Variants in CACNB2 observed in about 807,000 individuals in gnomAD.
CACNB2 encodes the protein voltage-dependent L-type calcium channel subunit beta-2.
In CACNB2, 42 loss-of-function variants were observed where a neutral mutation model predicts 73.3. The observed-to-expected ratio is 0.57, with a 90% CI of 0.45 to 0.74. The LOEUF is 0.74. Among genes scored for constraint, CACNB2 ranks in the 30% least tolerant of loss-of-function variants. The probability of loss-of-function intolerance (pLI) is 0.00; values close to 1 mark genes in which losing one functional copy is unlikely to be tolerated. For synonymous variants in CACNB2, 348 were observed against 310.3 expected (o/e 1.12, Z -1.28); for missense variants, 940 against 853.0 (o/e 1.10, Z -1.27).
chr10:18,205,947 C>T (rs10828308), intron 2 of CACNB2, among the ~76,000 whole-genome samples: 2,242 of 152,184 alleles, frequency 0.015, 74 homozygotes, highest in East Asian at 0.14. Flanking sequence ...AGAGAATCTA[C>T]GGTTTTCAGT....
rs115667139 is a variant in CACNB2 at position 18,158,175 on chromosome 10, C to T, written c.213+7200C>T. Among the ~76,000 whole-genome samples, 477 of 152,144 alleles carry T rather than the reference C, an allele frequency of 3.1e-3. 2 individuals carry two copies. The highest frequency in any genetic ancestry group is 0.011 in the African/African-American group (444 of 41,490). Reference sequence around the variant, plus strand: ...ATGAATCACCTGTTTTGAGGTTTGGCGGAGGCTGATGTGGGCCCATGAATC... The same window carrying T: ...ATGAATCACCTGTTTTGAGGTTTGGTGGAGGCTGATGTGGGCCCATGAATC... On this transcript the variant is annotated intron_variant, in intron 2 of 13. Coordinates refer to ENST00000324631, the MANE Select transcript of CACNB2 (RefSeq NM_201596.3).
At chr10:18,344,027 T>A (rs2041342885) in intron 2 of CACNB2, among the ~76,000 whole-genome samples, 1 of 151,804 alleles carries the variant, frequency 6.6e-6, no homozygotes, top group Admixed American at 6.6e-5. Flanking sequence ...GTCGATTATT[T>A]TTTCTTCCTC....
chr10:18,275,224 CAGCTATAGACT>C (rs1456925230), intron 2 of CACNB2, among the ~76,000 whole-genome samples: 3 of 152,176 alleles, frequency 2.0e-5, no homozygotes, highest in African/African-American at 7.2e-5. Context: ...ATTTGATTTC[CAGCTATAGACT>C]TTCGTTTTCT....
intron 2 of CACNB2, among the ~76,000 whole-genome samples, chr10:18,327,951 T>G (rs1357499724): frequency 6.6e-6 from 1 of 152,118 alleles, no homozygotes; most frequent in Non-Finnish European, 1.5e-5. Context: ...GAGTGGAAGT[T>G]GAAGACATAT....
intron 2 of CACNB2, among the ~76,000 whole-genome samples, chr10:18,322,838 T>C (rs2040442355): frequency 6.6e-6 from 1 of 151,976 alleles, no homozygotes; most frequent in Non-Finnish European, 1.5e-5. Context: ...AATTTAAAGG[T>C]CTTACTTCCT....
At chr10:18,522,505 C>A (rs1209587877) in intron 9 of CACNB2, among the ~76,000 whole-genome samples, 2 of 152,058 alleles carry the variant, frequency 1.3e-5, no homozygotes, top group Non-Finnish European at 2.9e-5. Context: ...CTACTACAAC[C>A]ATTTCTAATT....
intron 3 of CACNB2, among the ~76,000 whole-genome samples, chr10:18,403,031 T>C (rs2044089616): frequency 6.6e-6 from 1 of 152,164 alleles, no homozygotes; most frequent in Admixed American, 6.5e-5. Flanking sequence ...TCATGACCTC[T>C]AGTGCGGCTG....
At chr10:18,392,830 T>C (rs964247351) in intron 2 of CACNB2, among the ~76,000 whole-genome samples, 1 of 152,172 alleles carries the variant, frequency 6.6e-6, no homozygotes, top group Non-Finnish European at 1.5e-5. Flanking sequence ...CCCAAGCCAC[T>C]ATTTTTCTGC....
At chr10:18,241,241 T>C (rs1405470029) in intron 2 of CACNB2, among the ~76,000 whole-genome samples, 1 of 152,170 alleles carries the variant, frequency 6.6e-6, no homozygotes, top group African/African-American at 2.4e-5. Context: ...CCTAAGGCTG[T>C]GTCATGGGCA....
intron 2 of CACNB2, among the ~76,000 whole-genome samples, chr10:18,251,715 T>A (rs905617001): frequency 6.6e-6 from 1 of 152,208 alleles, no homozygotes; most frequent in Admixed American, 6.5e-5. Flanking sequence ...AGAAAACTTA[T>A]AATCATGGCA....
chr10:18,215,404 G>A (rs1339281489), intron 2 of CACNB2, among the ~76,000 whole-genome samples: 1 of 152,064 alleles, frequency 6.6e-6, no homozygotes, highest in Non-Finnish European at 1.5e-5. Context: ...GAACTCAGGG[G>A]GCCCCCTGGA....
At chr10:18,515,965 C>T (rs2051234339) in intron 7 of CACNB2, among the ~76,000 whole-genome samples, 4 of 152,154 alleles carry the variant, frequency 2.6e-5, no homozygotes, top group Admixed American at 2.6e-4. Flanking sequence ...GTAATCCCAG[C>T]CCTTTAGGAG....
chr10:18,434,651 T>A (rs1334681393), intron 3 of CACNB2, among the ~76,000 whole-genome samples: 1 of 152,164 alleles, frequency 6.6e-6, no homozygotes, highest in East Asian at 1.9e-4. Flanking sequence ...TCCACCCACC[T>A]TGGCCTCCCA....
chr10:18,277,766 C>T (rs1039387344), intron 2 of CACNB2, among the ~76,000 whole-genome samples: 1 of 152,140 alleles, frequency 6.6e-6, no homozygotes, highest in Non-Finnish European at 1.5e-5. Context: ...AAAGATGAAT[C>T]AAATAATCTT....
rs558321593 is a variant in CACNB2, at chr10:18,446,904, A to G, written c.333+44861A>G. The stretch of plus-strand genomic sequence containing the variant: ...ATACAGTGAGACCCTGTCTCTAAAA[A>G]AATAAAAAATTAGGTGTGATGGTGT... On this transcript the variant is annotated intron_variant, in intron 3 of 13. Coordinates refer to ENST00000324631, the MANE Select transcript of CACNB2 (RefSeq NM_201596.3). Among the ~76,000 whole-genome samples, 3 of 152,220 alleles carry G rather than the reference A, an allele frequency of 2.0e-5. No homozygotes were observed. The South Asian group carries it at 6.2e-4, about 32-fold the overall frequency.
chr10:18,202,873 T>G (rs77627847), intron 2 of CACNB2, among the ~76,000 whole-genome samples: 2,243 of 152,306 alleles, frequency 0.015, 55 homozygotes, highest in African/African-American at 0.051. Flanking sequence ...TGAAATTCCC[T>G]TTCTTGACAT....
chr10:18,422,560 C>T (rs2045382073), intron 3 of CACNB2, among the ~76,000 whole-genome samples: 7 of 152,212 alleles, frequency 4.6e-5, no homozygotes, highest in Admixed American at 4.6e-4. Context: ...CCTCACTCGT[C>T]ACCTCCCACC....
At chr10:18,291,010 C>T (rs2039043704) in intron 2 of CACNB2, among the ~76,000 whole-genome samples, 3 of 152,280 alleles carry the variant, frequency 2.0e-5, no homozygotes, top group Middle Eastern at 6.8e-3. Flanking sequence ...ACCTTATAAA[C>T]AAATGTCCCT....
intron 2 of CACNB2, among the ~76,000 whole-genome samples, chr10:18,242,902 C>G (rs1397194216): frequency 6.7e-6 from 1 of 149,250 alleles, no homozygotes; most frequent in Non-Finnish European, 1.5e-5. Flanking sequence ...CCCAGCTATT[C>G]GGGAGGCTGA....
Sources: gnomAD v4.1 joint callset for allele counts (sites outside exome capture counted in the v4.1 genomes callset) on GRCh38, gnomAD v4.1.1 for gene constraint, MANE v1.5 for transcripts, NCBI Gene and HGNC (gene_info 2026-07-23, HGNC 2026-07-21) for gene names.